The following TRIM37 variants were observed in gnomAD, a reference collection of about 807,000 sequenced individuals.
TRIM37 encodes E3 ubiquitin-protein ligase TRIM37.
Under a neutral mutation model 129.8 loss-of-function variants are expected in TRIM37, and 80 were observed. That is an observed-to-expected ratio of 0.62 (90% CI 0.51 to 0.74). The LOEUF is 0.74. TRIM37 is among the 30% of genes least tolerant of loss of function. TRIM37 has a pLI of 0.00. For synonymous variants in TRIM37, 389 were observed against 387.1 expected (o/e 1.00, Z -0.06); for missense variants, 1,054 against 1,176.5 (o/e 0.90, Z 1.52).
intron 11 of TRIM37, 65 bp from the exon 12 acceptor site, chr17:59,061,173 A>G: frequency 8.3e-7 from 1 of 1,203,638 alleles, no homozygotes; most frequent in Non-Finnish European, 1.2e-6. Context: ...AATGCAGATA[A>G]TATCTGATAT....
downstream of TRIM37, among the ~76,000 whole-genome samples, chr17:58,995,664 G>C (rs192396551): frequency 2.0e-5 from 3 of 152,286 alleles, no homozygotes; most frequent in African/African-American, 7.2e-5. Flanking sequence ...TAGTGAATTA[G>C]AAAAGTACCA....
chr17:59,034,137 C>A (rs867724043), intron 17 of TRIM37, among the ~76,000 whole-genome samples: 6 of 151,750 alleles, frequency 4.0e-5, no homozygotes, highest in Middle Eastern at 3.4e-3. Flanking sequence ...GAGGTGAGAT[C>A]CAGGACTTTT....
chr17:59,059,292 G>C lies in TRIM37; in HGVS notation c.1019+1740C>G, dbSNP rs1464103020. The C allele has an allele frequency of 4.8e-5, 7 of 145,730 alleles. No homozygotes were observed. The Admixed American group carries it at 5.0e-4, about 10-fold the overall frequency. 9.0% of individuals were successfully genotyped at this position (145,730 alleles called of 1,614,324 possible). On this transcript the variant is annotated intron_variant, in intron 12 of 23. Transcript: ENST00000262294. ...GGAGGCTGAGGCAGGAGAATTGCTT[G>C]AACCTGGGAGGCAGAGGTTGCAGTG...
intron 17 of TRIM37, 91 bp from the exon 18 acceptor site, chr17:59,032,181 T>C (rs951493654): frequency 3.2e-5 from 42 of 1,304,748 alleles, no homozygotes; most frequent in Non-Finnish European, 4.3e-5. Flanking sequence ...ATATGAATAC[T>C]TGTCTATGGA....
chr17:58,987,017 T>C (rs2031882891), intron 24 of TRIM37, among the ~76,000 whole-genome samples: 1 of 152,198 alleles, frequency 6.6e-6, no homozygotes, highest in South Asian at 2.1e-4. Flanking sequence ...CTGCCTCTTA[T>C]GCTGAGCTGT....
chr17:59,007,652 AAAT>A (rs34607742), intron 22 of TRIM37, among the ~76,000 whole-genome samples: 33,012 of 152,050 alleles, frequency 0.22, 3,606 homozygotes, highest in African/African-American at 0.25. Context: ...TTGAAAGAAA[AAAT>A]AAGTCAACCT....
intron 2 of TRIM37, among the ~76,000 whole-genome samples, chr17:59,093,895 T>A (rs1259705653): frequency 6.6e-6 from 1 of 152,090 alleles, no homozygotes; most frequent in African/African-American, 2.4e-5. Context: ...CACAATCTAA[T>A]TTATTTATTT....
intron 3 of TRIM37, among the ~76,000 whole-genome samples, chr17:59,088,789 G>A (rs907610620): frequency 7.3e-5 from 11 of 150,958 alleles, no homozygotes; most frequent in African/African-American, 2.4e-4. Flanking sequence ...ACAGGTATGA[G>A]CCACTACCTG....
chr17:59,024,214 C>CAAAAA (rs1237722939), intron 19 of TRIM37, among the ~76,000 whole-genome samples: 48 of 74,892 alleles, frequency 6.4e-4, no homozygotes, highest in Admixed American at 8.5e-4. Flanking sequence ...AATTCCGTAT[C>CAAAAA]AAAAAAAAAA....
At chr17:58,982,261 TCTG>T (rs2031400435), downstream of TRIM37, 1 of 152,528 alleles carries the variant, frequency 6.6e-6, no homozygotes, top group African/African-American at 2.4e-5. Flanking sequence ...TTTGAAACTG[TCTG>T]CTTTTTGCTA....
In TRIM37 at chr17:59,056,763, G is replaced by T. The variant is rs66885215; in HGVS notation, c.1199+112C>A. On this transcript the variant is annotated intron_variant, in intron 13 of 23. Transcript: ENST00000262294. ...AAAAAAAAAAGGTGATAAGGTTATAGTTAGTATGAATTTCAATATTCATCT... is the reference window on the plus strand; with the variant it reads ...AAAAAAAAAAGGTGATAAGGTTATATTTAGTATGAATTTCAATATTCATCT... 108,433 of 477,968 alleles carry T rather than the reference G, an allele frequency of 0.23. 11,075 individuals are homozygous for T. The highest frequency in any genetic ancestry group is 0.29 in the East Asian group (5,767 of 20,206). 29.6% of individuals were successfully genotyped at this position (477,968 alleles called of 1,614,324 possible). A position where few individuals can be genotyped will look rare whatever the true frequency, so the allele number is the denominator to read the frequency against.
At chr17:58,979,901 A>G (rs1031846553), downstream of TRIM37, 3 of 1,184,606 alleles carry the variant, frequency 2.5e-6, no homozygotes, top group Non-Finnish European at 3.6e-6. Context: ...GAGTCATGGC[A>G]TTGGTCATAA....
chr17:58,970,600 G>T, the TRIM37 span, among the ~76,000 whole-genome samples: 6 of 152,094 alleles, frequency 3.9e-5, no homozygotes, highest in Non-Finnish European at 7.4e-5. Flanking sequence ...AGCAATAATG[G>T]GGCTTAGAAT....
chr17:59,100,627 G>A lies in TRIM37; in HGVS notation c.123+3666C>T, dbSNP rs527766516. On this transcript the variant is annotated intron_variant, in intron 2 of 23. Transcript: ENST00000262294. ...TGGTTGCCTGGGGACAAGGCAAGTA[G>A]AGGGAGGAATTACCAAGAGGCACAA... 6.6e-5 allele frequency among the ~76,000 whole-genome samples: 10 copies of A among 152,304 alleles called. No homozygotes were observed. In the East Asian group the frequency reaches 1.7e-3, roughly 26 times the overall value.
chr17:59,031,001 T>C (rs988334798), intron 18 of TRIM37, among the ~76,000 whole-genome samples: 5 of 152,196 alleles, frequency 3.3e-5, no homozygotes, highest in Admixed American at 1.3e-4. Flanking sequence ...AACCTGAAGA[T>C]AGTCTTTTAA....
At chr17:59,024,444 A>T (rs190227939) in intron 19 of TRIM37, among the ~76,000 whole-genome samples, 1 of 152,240 alleles carries the variant, frequency 6.6e-6, no homozygotes, top group South Asian at 2.1e-4. Context: ...GGATATGAAT[A>T]TAACAGATGA....
At chr17:59,014,937 G>C (rs959733833) in intron 21 of TRIM37, among the ~76,000 whole-genome samples, 1 of 151,052 alleles carries the variant, frequency 6.6e-6, no homozygotes, top group African/African-American at 2.4e-5. Context: ...TCAGCTGGGC[G>C]TGGTGGTGGG....
At chr17:58,984,573 G>A (rs1236625458) in intron 24 of TRIM37, 1 of 152,520 alleles carries the variant, frequency 6.6e-6, no homozygotes, top group Non-Finnish European at 1.5e-5. Context: ...TGAATCGTAA[G>A]TTAGCAAAAG....
chr17:59,057,253 T>C (rs2041031122), intron 12 of TRIM37, among the ~76,000 whole-genome samples, 199 bp from the exon 13 acceptor site: 1 of 152,254 alleles, frequency 6.6e-6, no homozygotes, highest in Non-Finnish European at 1.5e-5. Flanking sequence ...TTCACTCTTG[T>C]TGCCCAGGCT....
Sources: allele counts gnomAD v4.1 joint callset (sites outside exome capture counted in the v4.1 genomes callset), GRCh38; gene constraint gnomAD v4.1.1; transcripts MANE v1.5; gene names NCBI Gene and HGNC (gene_info 2026-07-23, HGNC 2026-07-21).